Variants in CPS1 observed in about 807,000 individuals in gnomAD.
CPS1 encodes carbamoyl-phosphate synthase 1, also known as carbamoyl-phosphate synthase [ammonia], mitochondrial.
Under a neutral mutation model 174.6 loss-of-function variants are expected in CPS1, and 109 were observed. The ratio of observed to expected loss-of-function variants is 0.62; its 90% confidence interval spans 0.53 to 0.73. CPS1 has a LOEUF of 0.73. CPS1 is among the 30% of genes least tolerant of loss of function. The pLI, the probability that CPS1 is intolerant of heterozygous loss-of-function variation, is 0.00. For synonymous variants in CPS1, 637 were observed against 632.0 expected (o/e 1.01, Z -0.12); for missense variants, 1,689 against 1,821.9 (o/e 0.93, Z 1.33).
chr2:210,564,791 G>A (rs13411696), intron 1 of CPS1, among the ~76,000 whole-genome samples: 84,661 of 151,820 alleles, frequency 0.56, 24,682 homozygotes, highest in African/African-American at 0.71. Flanking sequence ...TCAGGAGTTT[G>A]AGACCAGCAT....
Position 210,663,154 on chromosome 2 carries a change from A to T in CPS1, c.3959A>T (p.Asp1320Val). The change falls in exon 33 of 38, where the codon GAT becomes GTT. Residue 1320 changes from aspartate (D) to valine (V), a missense_variant. By Grantham distance (152) the Asp-to-Val change is radical (BLOSUM62 -3). Transcript: ENST00000233072. Reference sequence around the variant, plus strand: ...ATGTTTTCCTGGCCCCGGTTGAGGGATGCTGACCCCATTCTGAGATGTGAG... The same window carrying T: ...ATGTTTTCCTGGCCCCGGTTGAGGGTTGCTGACCCCATTCTGAGATGTGAG... ...APMFSWPRLRDADPILRCEMA... is the reference protein window; with the variant it reads ...APMFSWPRLRVADPILRCEMA... 6.2e-7 allele frequency: 1 copy of T among 1,611,852 alleles called. No homozygotes were observed. Among genetic ancestry groups the T allele is most frequent in the Admixed American group, 1.7e-5 (1 of 59,768 alleles).
chr2:210,616,501 G>A lies in CPS1; in HGVS notation c.2647G>A (p.Asp883Asn), dbSNP rs2105866184. ...CAAGTGGTTTTTGTATAAGATGCGT[G>A]ATATTTTAAACATGGAAAAGACACT... ...IDKWFLYKMR[D>N]ILNMEKTLKG... Residue 883 changes from aspartate to asparagine, a missense_variant, in exon 21 of 38, where the codon GAT becomes AAT. Coordinates refer to ENST00000233072, the MANE Select transcript of CPS1 (RefSeq NM_001875.5). 2 of 1,611,774 alleles carry A rather than the reference G, an allele frequency of 1.2e-6. No individual in the cohort carries two copies. Among genetic ancestry groups the A allele is most frequent in the South Asian group, 1.1e-5 (1 of 91,040 alleles).
intron 1 of CPS1, chr2:210,477,833 G>A (rs1483433427): frequency 2.0e-5 from 31 of 1,558,626 alleles, no homozygotes; most frequent in Non-Finnish European, 2.6e-5. Flanking sequence ...ACTCACAAGA[G>A]AGAAAAGGAA....
chr2:210,539,509 T>C (rs1696346477), intron 1 of CPS1, among the ~76,000 whole-genome samples: 1 of 152,174 alleles, frequency 6.6e-6, no homozygotes, highest in African/African-American at 2.4e-5. Context: ...TGCAGTCCAA[T>C]ACTCCATTTA....
At chr2:210,625,209 C>T (rs979289815) in intron 21 of CPS1, among the ~76,000 whole-genome samples, 56 of 151,772 alleles carry the variant, frequency 3.7e-4, no homozygotes, top group African/African-American at 1.2e-3. Flanking sequence ...TTCTTCTATT[C>T]AGTCATTATT....
At chr2:210,623,923 A>G (rs1168470048) in intron 21 of CPS1, among the ~76,000 whole-genome samples, 1 of 152,128 alleles carries the variant, frequency 6.6e-6, no homozygotes, top group Non-Finnish European at 1.5e-5. Flanking sequence ...ACTTAGATAT[A>G]AGAAACAGAA....
chr2:210,668,306 G>A, intron 34 of CPS1, 22 bp downstream of exon 34: 2 of 1,522,578 alleles, frequency 1.3e-6, no homozygotes, highest in East Asian at 2.3e-5. Flanking sequence ...GTGGCTGTGT[G>A]CTTGCCCATG....
intron 1 of CPS1, among the ~76,000 whole-genome samples, chr2:210,482,658 G>GAGAGAGAGAGAGAGAGAA: frequency 1.1e-5 from 1 of 93,316 alleles, no homozygotes; most frequent in African/African-American, 4.8e-5. Flanking sequence ...ATATGCTGGT[G>GAGAGAGAGAGAGAGAGAA]AGAGAGAGAG....
chr2:210,623,603 T>A (rs949469253), intron 21 of CPS1, among the ~76,000 whole-genome samples: 4 of 152,140 alleles, frequency 2.6e-5, no homozygotes, highest in Non-Finnish European at 5.9e-5. Flanking sequence ...TGAAAAATCA[T>A]AGGCGTGCCT....
intron 1 of CPS1, among the ~76,000 whole-genome samples, chr2:210,543,453 A>G (rs2106016031): frequency 6.6e-6 from 1 of 152,008 alleles, no homozygotes; most frequent in East Asian, 2.0e-4. Flanking sequence ...AAGCCTTCAC[A>G]TATGATGTTC....
chr2:210,548,147 A>T (rs1696612143), intron 1 of CPS1, among the ~76,000 whole-genome samples: 2 of 152,074 alleles, frequency 1.3e-5, no homozygotes, highest in Admixed American at 6.6e-5. Flanking sequence ...TATGCCATTC[A>T]GAGTCACTAA....
At chr2:210,524,815 A>G (rs1177025776) in intron 1 of CPS1, among the ~76,000 whole-genome samples, 1 of 151,938 alleles carries the variant, frequency 6.6e-6, no homozygotes, top group Non-Finnish European at 1.5e-5. Context: ...GTTGGTTCCA[A>G]GGCTTTATTT....
At chr2:210,480,563 C>A (rs922542358) in intron 1 of CPS1, among the ~76,000 whole-genome samples, 7 of 152,174 alleles carry the variant, frequency 4.6e-5, no homozygotes, top group Non-Finnish European at 1.0e-4. Flanking sequence ...TCCCTTGATC[C>A]TTGTTAGCTG....
chr2:210,487,286 C>T (rs1694756026), intron 1 of CPS1, among the ~76,000 whole-genome samples: 2 of 152,224 alleles, frequency 1.3e-5, no homozygotes, highest in Non-Finnish European at 1.5e-5. Flanking sequence ...ACTGTCACTT[C>T]TCTCTGCCCT....
At chr2:210,661,131 TG>T (rs1393773171) in intron 32 of CPS1, among the ~76,000 whole-genome samples, 2 of 152,234 alleles carry the variant, frequency 1.3e-5, no homozygotes, top group Non-Finnish European at 2.9e-5. Flanking sequence ...TTGAGACAGC[TG>T]TTGCTGTATA....
intron 1 of CPS1, among the ~76,000 whole-genome samples, chr2:210,543,031 A>G (rs1172162662): frequency 6.6e-6 from 1 of 152,006 alleles, no homozygotes; most frequent in African/African-American, 2.4e-5. Context: ...TTAAAGAAAC[A>G]CTCCTTAATC....
chr2:210,493,243 C>A (rs751545211), intron 1 of CPS1, among the ~76,000 whole-genome samples: 2 of 152,108 alleles, frequency 1.3e-5, no homozygotes, highest in Non-Finnish European at 2.9e-5. Flanking sequence ...TCATCACTTG[C>A]TTCTCTTAGA....
chr2:210,512,783 TATGGAGAGAGAG>T, intron 1 of CPS1, among the ~76,000 whole-genome samples: 1 of 98,848 alleles, frequency 1.0e-5, no homozygotes, highest in Non-Finnish European at 2.1e-5. Context: ...TATATATATA[TATGGAGAGAGAG>T]ATATATATAT....
intron 17 of CPS1, among the ~76,000 whole-genome samples, chr2:210,606,436 A>G (rs913773805): frequency 3.9e-5 from 6 of 151,918 alleles, no homozygotes; most frequent in African/African-American, 1.4e-4. Flanking sequence ...GAACTTCAGA[A>G]ATAATTTGAG....
Sources: allele counts gnomAD v4.1 joint callset (sites outside exome capture counted in the v4.1 genomes callset), GRCh38; gene constraint gnomAD v4.1.1; transcripts MANE v1.5; gene names NCBI Gene and HGNC (gene_info 2026-07-23, HGNC 2026-07-21).